PAMR1: variants seen among roughly 807,000 people sequenced by gnomAD.
The protein encoded by PAMR1 is inactive serine protease PAMR1.
A neutral mutation model predicts 81.8 loss-of-function variants in PAMR1; 88 were observed. The observed-to-expected ratio is 1.08, with a 90% CI of 0.91 to 1.28. The LOEUF is 1.28. PAMR1 is among the 50% of genes most tolerant of loss of function. PAMR1 has a pLI of 0.00. For synonymous variants in PAMR1, 336 were observed against 345.3 expected, an observed-to-expected ratio of 0.97 and a Z score of 0.30; for missense variants, 935 against 919.7, an observed-to-expected ratio of 1.02 and a Z score of -0.21.
chr11:35,526,791 T>C (rs958073505), upstream of PAMR1, among the ~76,000 whole-genome samples: 4 of 152,140 alleles, frequency 2.6e-5, no homozygotes, highest in Non-Finnish European at 5.9e-5. Context: ...AAACCTCATC[T>C]TGAATTGTGG....
Position 35,468,099 on chromosome 11 carries a change from G to A in PAMR1, c.722C>T (p.Ser241Leu). ...AIYEEITACS[S>L]SPCFHDGTCV... Reference sequence around the variant, plus strand: ...CGTGCCGTCATGGAAACAAGGGGATGAGGAGCATGCTGTAAGAGAAAAGGC... The same window carrying A: ...CGTGCCGTCATGGAAACAAGGGGATAAGGAGCATGCTGTAAGAGAAAAGGC... The change falls in exon 6 of 11, where the codon TCA (serine) becomes TTA (leucine). Residue 241 changes from serine (S) to leucine (L), a missense_variant. Transcript: ENST00000619888. 1 of 1,551,238 alleles carries A rather than the reference G, an allele frequency of 6.4e-7. No homozygotes were observed. Among genetic ancestry groups the A allele is most frequent in the African/African-American group, 1.4e-5 (1 of 73,292 alleles).
At chr11:35,490,453 G>T (rs1850599602) in intron 3 of PAMR1, among the ~76,000 whole-genome samples, 1 of 152,166 alleles carries the variant, frequency 6.6e-6, no homozygotes, top group Non-Finnish European at 1.5e-5. Context: ...ATCTAAAGCT[G>T]TGCACTACAG....
intron 7 of PAMR1, among the ~76,000 whole-genome samples, chr11:35,440,112 T>C (rs1382285087): frequency 6.6e-6 from 1 of 152,218 alleles, no homozygotes; most frequent in Admixed American, 6.5e-5. Context: ...CAACCATAGA[T>C]AAGTCTTGGA....
At chr11:35,480,863 G>A (rs1050381414) in intron 3 of PAMR1, among the ~76,000 whole-genome samples, 1 of 152,014 alleles carries the variant, frequency 6.6e-6, no homozygotes, top group Non-Finnish European at 1.5e-5. Context: ...TCACTCCCCA[G>A]GCCCTGACAC....
In PAMR1 at chr11:35,477,244, T is replaced by C. The variant is rs1481411246; in HGVS notation, c.380-2500A>G. 2.8e-4 allele frequency among the ~76,000 whole-genome samples: 43 copies of C among 152,214 alleles called. 1 individual carries two copies. The highest frequency in any genetic ancestry group is 2.8e-3 in the Admixed American group (43 of 15,278). ...TCTTTTCTAGCTTGTACACCTAGAA[T>C]GGTACCTGGCATATAACAGGTGCTC... On this transcript the variant is annotated intron_variant, in intron 3 of 10. Transcript: ENST00000619888.
At chr11:35,506,434 G>GT (rs71457379) in intron 1 of PAMR1, among the ~76,000 whole-genome samples, 29 of 117,216 alleles carry the variant, frequency 2.5e-4, no homozygotes, top group Middle Eastern at 4.0e-3. Context: ...GTTTTTTGGT[G>GT]TTTTTTTTTT....
chr11:35,448,664 C>A (rs1259849718), intron 6 of PAMR1, among the ~76,000 whole-genome samples: 1 of 152,194 alleles, frequency 6.6e-6, no homozygotes, highest in Non-Finnish European at 1.5e-5. Flanking sequence ...TCAGCCTCAG[C>A]CCAGTTCTGT....
At chr11:35,524,710 C>G (rs952135414) in intron 1 of PAMR1, among the ~76,000 whole-genome samples, 2 of 152,152 alleles carry the variant, frequency 1.3e-5, no homozygotes, top group African/African-American at 2.4e-5. Context: ...CTATGACGTT[C>G]CCACTTCCCC....
At chr11:35,438,869 A>G (rs939034257) in intron 8 of PAMR1, among the ~76,000 whole-genome samples, 1 of 152,192 alleles carries the variant, frequency 6.6e-6, no homozygotes, top group Non-Finnish European at 1.5e-5. Flanking sequence ...TATTTAGGGA[A>G]GATCTCTCTC....
chr11:35,523,199 CCTT>C (rs1265408403), intron 1 of PAMR1, among the ~76,000 whole-genome samples: 1 of 151,938 alleles, frequency 6.6e-6, no homozygotes, highest in Non-Finnish European at 1.5e-5. Context: ...TCTTGCCACT[CCTT>C]CTCCCTTGCT....
intron 6 of PAMR1, among the ~76,000 whole-genome samples, chr11:35,447,203 T>A (rs909602724): frequency 1.7e-5 from 1 of 58,196 alleles, no homozygotes; most frequent in Non-Finnish European, 4.3e-5. Context: ...CCTCCATCCC[T>A]TTTTTTTTTT....
At chr11:35,509,496 T>C (rs1475783530) in intron 1 of PAMR1, among the ~76,000 whole-genome samples, 1 of 152,250 alleles carries the variant, frequency 6.6e-6, no homozygotes, top group Non-Finnish European at 1.5e-5. Context: ...AATTATTGAA[T>C]GTTTTCCTGT....
At chr11:35,511,408 T>G (rs967615519) in intron 1 of PAMR1, among the ~76,000 whole-genome samples, 3 of 152,212 alleles carry the variant, frequency 2.0e-5, no homozygotes, top group Non-Finnish European at 4.4e-5. Flanking sequence ...CTCTGAGGAT[T>G]CTGTACAAAC....
At chr11:35,524,982 G>A (rs1310136731) in intron 1 of PAMR1, among the ~76,000 whole-genome samples, 1 of 152,172 alleles carries the variant, frequency 6.6e-6, no homozygotes, top group African/African-American at 2.4e-5. Flanking sequence ...TGCTGAGTGA[G>A]TCAATCTCCT....
At chr11:35,506,301 T>C (rs1850953169) in intron 1 of PAMR1, among the ~76,000 whole-genome samples, 3 of 152,140 alleles carry the variant, frequency 2.0e-5, no homozygotes, top group Admixed American at 2.0e-4. Flanking sequence ...ACTAGAGTTA[T>C]GAGTGAATGA....
At chr11:35,465,133 T>C (rs546200198) in intron 6 of PAMR1, among the ~76,000 whole-genome samples, 1 of 152,338 alleles carries the variant, frequency 6.6e-6, no homozygotes, top group African/African-American at 2.4e-5. Context: ...TGGGGACCAG[T>C]GTCTTGCATT....
intron 8 of PAMR1, among the ~76,000 whole-genome samples, chr11:35,436,434 AACACC>A (rs1856045882): frequency 6.6e-6 from 1 of 151,996 alleles, no homozygotes. Flanking sequence ...ACAGACATGC[AACACC>A]ACGCCCAGCT....
At chr11:35,485,895 A>G (rs1388866317) in intron 3 of PAMR1, among the ~76,000 whole-genome samples, 3 of 152,200 alleles carry the variant, frequency 2.0e-5, no homozygotes, top group African/African-American at 7.2e-5. Context: ...TCTAGTGGGA[A>G]AATGCTTGCA....
intron 1 of PAMR1, among the ~76,000 whole-genome samples, chr11:35,523,712 C>G (rs886213280): frequency 1.3e-5 from 2 of 152,226 alleles, no homozygotes; most frequent in Non-Finnish European, 2.9e-5. Flanking sequence ...AAATATTTTC[C>G]TTCTCCACGC....
Sources: allele counts gnomAD v4.1 joint callset (sites outside exome capture counted in the v4.1 genomes callset), GRCh38; gene constraint gnomAD v4.1.1; transcripts MANE v1.5; gene names NCBI Gene and HGNC (gene_info 2026-07-23, HGNC 2026-07-21).